Variants in PATL1 observed in about 807,000 individuals in gnomAD.
PATL1 encodes the protein PAT1 homolog 1, processing body mRNA decay factor, also known as protein PAT1 homolog 1.
In PATL1, 32 loss-of-function variants were observed where a neutral mutation model predicts 100.6. The ratio of observed to expected loss-of-function variants is 0.32; its 90% CI spans 0.24 to 0.43. The LOEUF is 0.43. Ranked by LOEUF, PATL1 falls within the 20% of genes least tolerant of loss-of-function variation. The pLI is 1.00. For missense variants in PATL1, 747 were observed against 949.9 expected (o/e 0.79, Z 2.81); for synonymous variants, 332 against 330.0 (o/e 1.01, Z -0.07).
intron 15 of PATL1, among the ~76,000 whole-genome samples, chr11:59,645,357 C>T: frequency 7.1e-6 from 1 of 140,592 alleles, no homozygotes; most frequent in Non-Finnish European, 1.5e-5. Context: ...GTAGGGGCGG[C>T]CAGGCAGAGG....
At chr11:59,650,281 G>A (rs1861423153) in intron 13 of PATL1, among the ~76,000 whole-genome samples, 1 of 152,110 alleles carries the variant, frequency 6.6e-6, no homozygotes, top group African/African-American at 2.4e-5. Context: ...TTGCAGCTTG[G>A]TTCTAGAGTC....
At position 59,652,877 on chromosome 11, in the gene PATL1, C is replaced by T; in HGVS notation, c.1263G>A (p.Leu421=). The T allele has an allele frequency of 6.2e-7, 1 of 1,613,904 alleles. No homozygotes were observed. The highest frequency in any genetic ancestry group is 1.3e-5 in the African/African-American group (1 of 75,034). The part of the protein sequence containing the change: ...DWVSKIQMMQ[L]QSTDPYLDDF... ...CATCCAGGTAGGGATCAGTGCTTTG[C>T]AGTTGCATCATCTGGATTTTAGAGA... The change falls in exon 10 of 19, where the codon CTG becomes CTA. Residue 421 remains leucine (L), a synonymous_variant. Coordinates refer to ENST00000300146, the MANE Select transcript of PATL1 (RefSeq NM_152716.3).
intron 15 of PATL1, among the ~76,000 whole-genome samples, chr11:59,647,026 C>T (rs540249940): frequency 2.6e-5 from 4 of 152,032 alleles, no homozygotes; most frequent in Admixed American, 2.0e-4. Context: ...TTGAGACCAG[C>T]CTGGGCAATG....
intron 9 of PATL1, 25 bp from the exon 10 acceptor site, chr11:59,653,043 T>A: frequency 1.3e-6 from 2 of 1,570,386 alleles, no homozygotes; most frequent in South Asian, 2.3e-5. Context: ...CCACATTCAT[T>A]CCATGTGGGC....
intron 8 of PATL1, among the ~76,000 whole-genome samples, chr11:59,654,664 G>A (rs1861499651): frequency 6.6e-6 from 1 of 152,102 alleles, no homozygotes; most frequent in South Asian, 2.1e-4. Context: ...TTTAACAGAA[G>A]TCTCTAAGTA....
chr11:59,655,577 G>A lies in PATL1; in HGVS notation c.977C>T (p.Thr326Ile), dbSNP rs1861516345. The change falls in exon 8 of 19, where the codon ACA (threonine) becomes ATA (isoleucine). Residue 326 changes from threonine (T) to isoleucine (I), a missense_variant. By Grantham distance (89) the Thr-to-Ile change is moderately conservative (BLOSUM62 -1). Transcript: ENST00000300146. ...RAFFSAPPSA[T>I]PPPQQHPPGP... ...AGGAGGGTGCTGCTGTGGAGGTGGTGTAGCGGAGGGTGGAGCACTAAAGAA... is the reference window on the plus strand; with the variant it reads ...AGGAGGGTGCTGCTGTGGAGGTGGTATAGCGGAGGGTGGAGCACTAAAGAA... 3 of 1,590,066 alleles carry A rather than the reference G, an allele frequency of 1.9e-6. No homozygotes were observed. Among genetic ancestry groups the A allele is most frequent in the South Asian group, 1.1e-5 (1 of 87,568 alleles).
chr11:59,651,610 G>A lies in PATL1; in HGVS notation c.1458C>T (p.Thr486=), dbSNP rs190698539. ...TTCGGGGATTATTCACACTAGAAAC[G>A]GTAAGCTTTCCCAAAGAGCCCTCAA... The part of the protein sequence containing the change: ...VQFEGSLGKL[T]VSSVNNPRKM... The change falls in exon 12 of 19, where the codon ACC becomes ACT. Residue 486 remains threonine (T), a synonymous_variant. Coordinates refer to ENST00000300146, the MANE Select transcript of PATL1 (RefSeq NM_152716.3). 7.0e-5 allele frequency: 113 copies of A among 1,611,550 alleles called. No homozygotes were observed. The African/African-American group carries it at 1.1e-3, about 16-fold the overall frequency.
chr11:59,639,631 C>T, intron 16 of PATL1: 3 of 408,896 alleles, frequency 7.3e-6, no homozygotes, highest in Non-Finnish European at 1.3e-5. Flanking sequence ...TGGTGTCCAA[C>T]ACGCCTCTCT....
chr11:59,653,062 T>G, intron 9 of PATL1, 44 bp from the exon 10 acceptor site: 2 of 1,508,434 alleles, frequency 1.3e-6, no homozygotes, highest in Non-Finnish European at 1.8e-6. Context: ...GCAAATTAAT[T>G]ACGCTTTTTA....
At position 59,642,137 on chromosome 11, in the gene PATL1, T is replaced by C. The variant is rs146995535; in HGVS notation, c.2049+743A>G. ...CCAGGAAACTGATTCAGCAATGTGA[T>C]ATCATCTGTCCAAGGTCACAAAGCT... On this transcript the variant is annotated intron_variant, in intron 16 of 18. Coordinates refer to ENST00000300146, the MANE Select transcript of PATL1 (RefSeq NM_152716.3). Among the ~76,000 whole-genome samples, 718 of 152,336 alleles carry C rather than the reference T, an allele frequency of 4.7e-3. 3 individuals are homozygous for C. The highest frequency in any genetic ancestry group is 8.0e-3 in the Non-Finnish European group (547 of 68,032).
intron 13 of PATL1, among the ~76,000 whole-genome samples, chr11:59,649,849 C>T (rs560471710): frequency 1.3e-5 from 2 of 152,022 alleles, no homozygotes; most frequent in South Asian, 2.1e-4. Context: ...AGTCTAGACG[C>T]GGTGGCTCAC....
chr11:59,653,917 T>C (rs1359097699), intron 9 of PATL1, 66 bp downstream of exon 9: 7 of 1,384,168 alleles, frequency 5.1e-6, no homozygotes, highest in Admixed American at 3.7e-5. Context: ...CTAAATAGCA[T>C]GTTGTTACAC....
intron 5 of PATL1, 34 bp from the exon 6 acceptor site, chr11:59,656,634 A>G: frequency 7.0e-6 from 11 of 1,576,796 alleles, no homozygotes; most frequent in Non-Finnish European, 9.6e-6. Flanking sequence ...ACTACACTCA[A>G]TGAAATCAGT....
intron 16 of PATL1, 139 bp from the exon 17 acceptor site, chr11:59,639,522 G>A (rs1191099596): frequency 1.5e-6 from 1 of 649,542 alleles, no homozygotes; most frequent in East Asian, 2.8e-5. Flanking sequence ...GTAAAACCAG[G>A]TAAAGATCAG....
intron 6 of PATL1, 118 bp from the exon 7 acceptor site, chr11:59,656,163 A>C (rs760614248): frequency 4.9e-6 from 3 of 613,750 alleles, no homozygotes; most frequent in Non-Finnish European, 8.1e-6. Flanking sequence ...CAAATTACAG[A>C]GTCAAGCTCT....
At chr11:59,649,689 ACTACTAG>A (rs1298403655) in intron 13 of PATL1, 79 bp from the exon 14 acceptor site, 15 of 1,387,296 alleles carry the variant, frequency 1.1e-5, no homozygotes, top group Admixed American at 2.8e-5. Context: ...ACAGTTTAGG[ACTACTAG>A]CTAAAGACAA....
At chr11:59,644,296 A>C (rs540964905) in intron 15 of PATL1, among the ~76,000 whole-genome samples, 58 of 152,078 alleles carry the variant, frequency 3.8e-4, no homozygotes, top group Non-Finnish European at 6.3e-4. Flanking sequence ...TCACAATATC[A>C]TACCTAACAA....
At chr11:59,649,904 G>C (rs1042311495) in intron 13 of PATL1, among the ~76,000 whole-genome samples, 53 of 151,986 alleles carry the variant, frequency 3.5e-4, no homozygotes, top group African/African-American at 1.2e-3. Flanking sequence ...GGCGGATCAC[G>C]TGAGGTTGGG....
intron 4 of PATL1, 63 bp from the exon 5 acceptor site, chr11:59,657,787 T>C: frequency 8.0e-7 from 1 of 1,255,996 alleles, no homozygotes; most frequent in African/African-American, 1.5e-5. Context: ...TAGTAATCTC[T>C]ACAGATGCCA....
Sources: gnomAD v4.1 joint callset for allele counts (sites outside exome capture counted in the v4.1 genomes callset) on GRCh38, gnomAD v4.1.1 for gene constraint, MANE v1.5 for transcripts, NCBI Gene and HGNC (gene_info 2026-07-23, HGNC 2026-07-21) for gene names.